The following STX18 variants were observed in gnomAD, a reference collection of about 807,000 sequenced individuals.
The protein encoded by STX18 is syntaxin-18.
STX18 carries 40 observed loss-of-function variants against 50.1 expected under a neutral mutation model. The observed-to-expected ratio is 0.80, with a 90% CI of 0.62 to 1.04. The LOEUF is 1.04. Ranked by LOEUF, STX18 falls within the 50% of genes least tolerant of loss-of-function variation. STX18 has a pLI of 0.00. For missense variants in STX18, 410 were observed against 415.8 expected (o/e 0.99, Z 0.12); for synonymous variants, 158 against 151.8 (o/e 1.04, Z -0.30).
intron 2 of STX18, among the ~76,000 whole-genome samples, chr4:4,468,734 T>C (rs1727751518): frequency 1.3e-5 from 2 of 152,178 alleles, no homozygotes; most frequent in African/African-American, 4.8e-5. Flanking sequence ...AGGCTGAGCA[T>C]GCACCTACCA....
At chr4:4,436,027 T>C (rs974381448) in intron 6 of STX18, among the ~76,000 whole-genome samples, 8 of 152,184 alleles carry the variant, frequency 5.3e-5, no homozygotes, top group Middle Eastern at 3.2e-3. Flanking sequence ...CAAAGGCAAA[T>C]ACTGCTTCTT....
At chr4:4,507,411 A>C in intron 1 of STX18, 1 of 758,160 alleles carries the variant, frequency 1.3e-6, no homozygotes, top group Admixed American at 1.7e-5. Context: ...CTCCACTGAA[A>C]TCTTTCCAGA....
At chr4:4,425,376 G>A in intron 7 of STX18, 154 bp from the exon 8 acceptor site, 1 of 668,206 alleles carries the variant, frequency 1.5e-6, no homozygotes, top group Non-Finnish European at 2.7e-6. Flanking sequence ...GTTAGCATTA[G>A]TGTGAACAAC....
intron 1 of STX18, among the ~76,000 whole-genome samples, chr4:4,509,736 GA>G (rs1729911348): frequency 6.6e-6 from 1 of 152,082 alleles, no homozygotes; most frequent in Admixed American, 6.5e-5. Context: ...AGAGTGTAGG[GA>G]AAAAGGTGAA....
intron 1 of STX18, among the ~76,000 whole-genome samples, chr4:4,536,034 T>C (rs974120769): frequency 2.6e-5 from 4 of 152,228 alleles, no homozygotes; most frequent in African/African-American, 9.6e-5. Flanking sequence ...ATACCTGAGT[T>C]GTTGTGCTAC....
chr4:4,422,453 T>G (rs1283855511), intron 9 of STX18, among the ~76,000 whole-genome samples: 1 of 151,412 alleles, frequency 6.6e-6, no homozygotes, highest in African/African-American at 2.4e-5. Flanking sequence ...TAATCCCAGC[T>G]ACTCAAGAGG....
intron 1 of STX18, among the ~76,000 whole-genome samples, chr4:4,510,975 G>C (rs540763858): frequency 2.0e-5 from 3 of 151,766 alleles, no homozygotes; most frequent in South Asian, 4.2e-4. Context: ...GACACAGGGA[G>C]GGGAACAACA....
chr4:4,533,984 C>T (rs887546094), intron 1 of STX18, among the ~76,000 whole-genome samples: 1 of 152,172 alleles, frequency 6.6e-6, no homozygotes, highest in Non-Finnish European at 1.5e-5. Flanking sequence ...CAGGAGAGAA[C>T]CTGGCATCCA....
intron 4 of STX18, 82 bp downstream of exon 4, chr4:4,457,341 C>T: frequency 6.4e-7 from 1 of 1,553,282 alleles, no homozygotes; most frequent in Non-Finnish European, 8.9e-7. Context: ...TGAGATACTA[C>T]AGTCTTCAGC....
intron 1 of STX18, chr4:4,507,238 T>C (rs1251478623): frequency 6.1e-6 from 4 of 655,052 alleles, no homozygotes; most frequent in Admixed American, 3.9e-5. Flanking sequence ...AAACAACCCA[T>C]ACTTTACAGT....
intron 7 of STX18, among the ~76,000 whole-genome samples, chr4:4,429,009 C>G (rs1725395691): frequency 1.3e-5 from 2 of 152,164 alleles, no homozygotes; most frequent in South Asian, 4.1e-4. Context: ...GTTACGGTCT[C>G]CTACCAAAAC....
At position 4,437,111 on chromosome 4, in the gene STX18, C is replaced by T. The variant is rs184159089; in HGVS notation, c.613+1283G>A. 5.9e-5 allele frequency among the ~76,000 whole-genome samples: 9 copies of T among 152,232 alleles called. No individual in the cohort carries two copies. The East Asian group carries it at 1.7e-3, about 29-fold the overall frequency. On this transcript the variant is annotated intron_variant, in intron 6 of 10. Transcript: ENST00000306200. ...AGTAGCTGGGATTACAGGCGTGTGC[C>T]ACCACACCTGGCTAATTTTGTATTT...
intron 7 of STX18, among the ~76,000 whole-genome samples, chr4:4,434,312 A>G (rs77483696): frequency 0.012 from 1,773 of 152,334 alleles, 13 homozygotes; most frequent in Middle Eastern, 0.02. Context: ...CATAGATGGT[A>G]AGCTATAGCA....
chr4:4,496,678 A>G (rs958420089), intron 1 of STX18, among the ~76,000 whole-genome samples: 10 of 152,168 alleles, frequency 6.6e-5, no homozygotes, highest in Non-Finnish European at 1.5e-4. Flanking sequence ...GGTGCTGCCC[A>G]ATCCAACTGT....
rs1319502876 is a variant in STX18 at position 4,471,589 on chromosome 4, G to A, written c.236+50C>T. On this transcript the variant is annotated intron_variant, in intron 2 of 10. Coordinates refer to ENST00000306200, the MANE Select transcript of STX18 (RefSeq NM_016930.4). ...CAAAAAGCGCAAAAGAAATATAGGT[G>A]TAGAAAAGAACACAGTCACCAAAGT... 4.7e-6 allele frequency: 6 copies of A among 1,276,510 alleles called. No individual in the cohort carries two copies. In the African/African-American group the frequency reaches 6.1e-5, roughly 13 times the overall value. The allele number at this position is 1,276,510 out of a possible 1,614,324, so 79.1% of individuals were successfully genotyped here.
intron 5 of STX18, among the ~76,000 whole-genome samples, chr4:4,441,582 A>G (rs936157540): frequency 6.6e-6 from 1 of 152,218 alleles, no homozygotes; most frequent in Non-Finnish European, 1.5e-5. Flanking sequence ...CCCAAAGCCC[A>G]TACGTAAAAA....
In STX18 at chr4:4,420,481, G is replaced by T. The variant is rs562273994; in HGVS notation, c.913-352C>A. ...TGACCCAACCCTGAGGACTGAGCTT[G>T]GGAAACAGTCCCCTCAACAGGATGG... is the stretch of plus-strand genomic sequence containing the variant. On this transcript the variant is annotated intron_variant, in intron 10 of 10. Coordinates refer to ENST00000306200, the MANE Select transcript of STX18 (RefSeq NM_016930.4). The surrounding 1 kb of genome is among the most constrained non-coding windows in gnomAD (Gnocchi z 4.3). 6.4e-5 allele frequency: 25 copies of T among 390,424 alleles called. No individual in the cohort carries two copies. In the South Asian group the frequency reaches 7.6e-4, roughly 12 times the overall value. The allele number at this position is 390,424 out of a possible 1,614,324, so 24.2% of individuals were successfully genotyped here.
At chr4:4,446,942 C>G (rs1000245526) in intron 5 of STX18, among the ~76,000 whole-genome samples, 21 of 152,184 alleles carry the variant, frequency 1.4e-4, no homozygotes, top group African/African-American at 4.8e-4. Flanking sequence ...TCATGCAATG[C>G]AATACCATTC....
chr4:4,488,208 A>C (rs1728780591), intron 1 of STX18, among the ~76,000 whole-genome samples: 1 of 152,194 alleles, frequency 6.6e-6, no homozygotes, highest in African/African-American at 2.4e-5. Context: ...TGTGGCAACA[A>C]ACAGGTTCTA....
Sources: allele counts gnomAD v4.1 joint callset (sites outside exome capture counted in the v4.1 genomes callset), GRCh38; gene constraint gnomAD v4.1.1; non-coding constraint Gnocchi (gnomAD v3.1); transcripts MANE v1.5; gene names NCBI Gene and HGNC (gene_info 2026-07-23, HGNC 2026-07-21).